The following KCND2 variants were observed in gnomAD, a reference collection of about 807,000 sequenced individuals.
KCND2 encodes the protein potassium voltage-gated channel subfamily D member 2.
In KCND2, 16 loss-of-function variants were observed where a neutral mutation model predicts 54.4. The ratio of observed to expected loss-of-function variants is 0.29; its 90% CI spans 0.20 to 0.45. The LOEUF is 0.45. Among genes scored for constraint, KCND2 ranks in the 20% least tolerant of loss-of-function variants. The pLI is 1.00. For missense variants in KCND2, 486 were observed against 824.2 expected (o/e 0.59, Z 5.02); for synonymous variants, 317 against 310.7 (o/e 1.02, Z -0.21).
intron 1 of KCND2, among the ~76,000 whole-genome samples, chr7:120,641,619 G>T (rs781608654): frequency 6.6e-6 from 1 of 152,134 alleles, no homozygotes; most frequent in Non-Finnish European, 1.5e-5. Context: ...AAGTGTCACT[G>T]CTTAATATCC....
At chr7:120,470,388 C>G (rs953383281) in intron 1 of KCND2, among the ~76,000 whole-genome samples, 1 of 152,062 alleles carries the variant, frequency 6.6e-6, no homozygotes, top group Non-Finnish European at 1.5e-5. Context: ...TTCTACTCTG[C>G]TATCAAGCAC....
chr7:120,310,947 AAAAG>A (rs1172904245), intron 1 of KCND2, among the ~76,000 whole-genome samples: 27 of 151,854 alleles, frequency 1.8e-4, no homozygotes, highest in Non-Finnish European at 2.8e-4. Context: ...AAAAAAAAAA[AAAAG>A]AAAGAAAGAA....
At chr7:120,513,771 C>G (rs1331761088) in intron 1 of KCND2, among the ~76,000 whole-genome samples, 1 of 151,904 alleles carries the variant, frequency 6.6e-6, no homozygotes, top group Non-Finnish European at 1.5e-5. Context: ...ATGTGTCATT[C>G]TGGTAAAATT....
At chr7:120,692,253 T>C (rs1327136641) in intron 1 of KCND2, among the ~76,000 whole-genome samples, 1 of 152,188 alleles carries the variant, frequency 6.6e-6, no homozygotes, top group Non-Finnish European at 1.5e-5. Flanking sequence ...CAATATTACA[T>C]GAAGTCCATC....
intron 1 of KCND2, among the ~76,000 whole-genome samples, chr7:120,589,523 C>G (rs1408728390): frequency 1.3e-5 from 2 of 152,122 alleles, no homozygotes; most frequent in African/African-American, 4.8e-5. Flanking sequence ...GAAGTCCTTT[C>G]CAGCTCATTG....
intron 1 of KCND2, among the ~76,000 whole-genome samples, chr7:120,394,895 G>GA (rs2116061920): frequency 6.6e-6 from 1 of 151,930 alleles, no homozygotes; most frequent in African/African-American, 2.4e-5. Flanking sequence ...GGATGAGTGA[G>GA]AAAAAAATAA....
intron 1 of KCND2, among the ~76,000 whole-genome samples, chr7:120,584,372 C>T (rs560692448): frequency 6.6e-6 from 1 of 152,298 alleles, no homozygotes; most frequent in South Asian, 2.1e-4. Context: ...TTTAAAGTTT[C>T]CTTGCTGCTA....
At chr7:120,736,193 T>A (rs1398125381) in intron 2 of KCND2, among the ~76,000 whole-genome samples, 1 of 152,114 alleles carries the variant, frequency 6.6e-6, no homozygotes, top group Non-Finnish European at 1.5e-5. Context: ...ATATTAATTT[T>A]AGAAAATTCC....
intron 1 of KCND2, among the ~76,000 whole-genome samples, chr7:120,603,437 C>G (rs899170581): frequency 2.6e-5 from 4 of 152,168 alleles, no homozygotes; most frequent in African/African-American, 9.7e-5. Flanking sequence ...ATTTTCTGAG[C>G]AGTAAACAGA....
intron 1 of KCND2, among the ~76,000 whole-genome samples, chr7:120,409,088 C>G (rs1203807791): frequency 6.6e-6 from 1 of 151,768 alleles, no homozygotes; most frequent in African/African-American, 2.4e-5. Flanking sequence ...TTAATAAGAC[C>G]AAGGAAACAT....
chr7:120,578,801 G>A (rs1428506897), intron 1 of KCND2, among the ~76,000 whole-genome samples: 3 of 151,952 alleles, frequency 2.0e-5, no homozygotes, highest in Non-Finnish European at 4.4e-5. Context: ...AGAGGCAGAG[G>A]TTGCAGTGAG....
At chr7:120,722,388 G>T (rs527472696) in intron 1 of KCND2, among the ~76,000 whole-genome samples, 1 of 152,108 alleles carries the variant, frequency 6.6e-6, no homozygotes, top group African/African-American at 2.4e-5. Flanking sequence ...GGCCAGACCC[G>T]CCAGGAGGGA....
At chr7:120,724,340 G>A (rs1352071695) in intron 1 of KCND2, among the ~76,000 whole-genome samples, 2 of 152,104 alleles carry the variant, frequency 1.3e-5, no homozygotes, top group African/African-American at 2.4e-5. Context: ...AAAATTGTCA[G>A]GAAGTTTTTA....
At position 120,655,563 on chromosome 7, in the gene KCND2, T is replaced by G. The variant is rs375613547; in HGVS notation, c.1116-77340T>G. Among the ~76,000 whole-genome samples, 4 of 152,096 alleles carry G rather than the reference T, an allele frequency of 2.6e-5. No homozygotes were observed. In the East Asian group the frequency reaches 5.8e-4, roughly 22 times the overall value. ...CAGTAGTTGAAGGGGAATATAGTAA[T>G]AGCAAAAACATATTTCTTAAAGAGC... On this transcript the variant is annotated intron_variant, in intron 1 of 5. Transcript: ENST00000331113.
chr7:120,496,671 G>A (rs113395030), intron 1 of KCND2, among the ~76,000 whole-genome samples: 2,656 of 152,068 alleles, frequency 0.017, 83 homozygotes, highest in African/African-American at 0.06. Flanking sequence ...TGATCCACCT[G>A]CCTCGGCCTC....
At chr7:120,458,401 T>G (rs1481369169) in intron 1 of KCND2, among the ~76,000 whole-genome samples, 2 of 152,184 alleles carry the variant, frequency 1.3e-5, no homozygotes, top group Non-Finnish European at 2.9e-5. Context: ...ATGAGAGAGT[T>G]GTCACAACTA....
intron 1 of KCND2, among the ~76,000 whole-genome samples, chr7:120,592,128 G>C (rs1447301068): frequency 6.6e-6 from 1 of 152,210 alleles, no homozygotes; most frequent in Non-Finnish European, 1.5e-5. Flanking sequence ...CTAAGTGATT[G>C]TGCTGTCTAG....
chr7:120,716,569 AC>A lies in KCND2; in HGVS notation c.1116-16330del, dbSNP rs35700078. ...TTTCACTCTTGCTAGACAAACAAAT[AC>A]CCCTTTTAAAAAAGTCAGTTCACGA... On this transcript the variant is annotated intron_variant, in intron 1 of 5. Coordinates refer to ENST00000331113, the MANE Select transcript of KCND2 (RefSeq NM_012281.3). Among the ~76,000 whole-genome samples the A allele has an allele frequency of 2.6e-5, 4 of 152,118 alleles. No homozygotes were observed. The East Asian group carries it at 7.7e-4, about 29-fold the overall frequency.
chr7:120,691,868 G>A (rs2116604069), intron 1 of KCND2, among the ~76,000 whole-genome samples: 1 of 152,268 alleles, frequency 6.6e-6, no homozygotes, highest in South Asian at 2.1e-4. Context: ...AGACCAGTTA[G>A]GTAGGAGGAA....
Sources: gnomAD v4.1 joint callset for allele counts (sites outside exome capture counted in the v4.1 genomes callset) on GRCh38, gnomAD v4.1.1 for gene constraint, MANE v1.5 for transcripts, NCBI Gene and HGNC (gene_info 2026-07-23, HGNC 2026-07-21) for gene names.